MEIKIN: variants seen among roughly 807,000 people sequenced by gnomAD.
The protein encoded by MEIKIN is meiosis-specific kinetochore protein.
intron 9 of MEIKIN, among the ~76,000 whole-genome samples, chr5:131,859,248 G>A (rs1384629892): frequency 2.6e-5 from 4 of 152,162 alleles, no homozygotes; most frequent in Non-Finnish European, 5.9e-5. Flanking sequence ...TCAGGTGTAA[G>A]GAAGGAGTCC....
In MEIKIN at chr5:131,925,957, A is replaced by G. The variant is rs572464304; in HGVS notation, c.479-4016T>C. On this transcript the variant is annotated intron_variant, in intron 5 of 12. Coordinates refer to ENST00000442687, the MANE Select transcript of MEIKIN (RefSeq NM_001303622.2). ...TGCTGGGGTACAGGTGTGAGCCACC[A>G]CACCCAGCCTTGTGGTGTCTTTAGA... 2.6e-5 allele frequency among the ~76,000 whole-genome samples: 4 copies of G among 152,238 alleles called. No individual in the cohort carries two copies. In the East Asian group the frequency reaches 5.8e-4, roughly 22 times the overall value.
At chr5:131,884,401 C>G (rs1580889023) in intron 8 of MEIKIN, among the ~76,000 whole-genome samples, 2 of 151,868 alleles carry the variant, frequency 1.3e-5, no homozygotes, top group South Asian at 4.2e-4. Flanking sequence ...GGCTCTGGCT[C>G]CCAGACAACG....
intron 5 of MEIKIN, among the ~76,000 whole-genome samples, chr5:131,930,380 G>A (rs975628240): frequency 2.6e-5 from 4 of 152,016 alleles, no homozygotes; most frequent in Admixed American, 2.6e-4. Context: ...ATAGATTCTG[G>A]ATATTAGATC....
chr5:131,898,254 T>C (rs1430880374), intron 8 of MEIKIN, among the ~76,000 whole-genome samples: 5 of 152,226 alleles, frequency 3.3e-5, no homozygotes, highest in Non-Finnish European at 7.3e-5. Flanking sequence ...CAGCAAATAT[T>C]GCAGAACAAC....
rs530058071 is a variant in MEIKIN, at chr5:131,943,247, AC to A, written c.289-553del. ...CATTCAAAGAAATGAAAAGTAAAAA[AC>A]ATGCTACTTTTCATCTATCTATCTA... On this transcript the variant is annotated intron_variant, in intron 3 of 12. Transcript: ENST00000442687. Among the ~76,000 whole-genome samples the A allele has an allele frequency of 3.1e-4, 47 of 152,312 alleles. 2 individuals are homozygous for A. The South Asian group carries it at 9.3e-3, about 30-fold the overall frequency.
intron 8 of MEIKIN, among the ~76,000 whole-genome samples, chr5:131,899,894 A>G (rs968631803): frequency 6.6e-5 from 10 of 152,378 alleles, no homozygotes; most frequent in African/African-American, 2.4e-4. Flanking sequence ...CTCCACTTTC[A>G]GCACTGGACA....
At chr5:131,934,882 C>T (rs1022293513) in intron 4 of MEIKIN, among the ~76,000 whole-genome samples, 1 of 151,262 alleles carries the variant, frequency 6.6e-6, no homozygotes, top group African/African-American at 2.4e-5. Context: ...ATGGTGAAAC[C>T]CCATCTCTAC....
At chr5:131,835,617 G>A (rs956487433) in intron 11 of MEIKIN, among the ~76,000 whole-genome samples, 4 of 151,700 alleles carry the variant, frequency 2.6e-5, no homozygotes, top group Non-Finnish European at 5.9e-5. Flanking sequence ...TTTTTGAGAC[G>A]GAGTCTCGCT....
intron 4 of MEIKIN, among the ~76,000 whole-genome samples, chr5:131,940,720 A>G (rs1751854384): frequency 6.6e-6 from 1 of 151,972 alleles, no homozygotes; most frequent in Non-Finnish European, 1.5e-5. Flanking sequence ...GATGTCCTGT[A>G]TTTTTTAGGT....
intron 8 of MEIKIN, among the ~76,000 whole-genome samples, chr5:131,886,773 A>C (rs1227455412): frequency 6.6e-6 from 1 of 152,162 alleles, no homozygotes; most frequent in African/African-American, 2.4e-5. Context: ...ATAACAGTGT[A>C]ATTGTGGTGT....
chr5:131,881,595 T>A (rs1161626545), intron 8 of MEIKIN, among the ~76,000 whole-genome samples: 1 of 152,204 alleles, frequency 6.6e-6, no homozygotes, highest in Non-Finnish European at 1.5e-5. Flanking sequence ...TCCAGACTCC[T>A]GCATCATAAA....
At chr5:131,905,739 C>T (rs1751233292) in intron 8 of MEIKIN, among the ~76,000 whole-genome samples, 1 of 152,024 alleles carries the variant, frequency 6.6e-6, no homozygotes, top group Non-Finnish European at 1.5e-5. Flanking sequence ...CAAACATAAC[C>T]ACCAGATCTT....
chr5:131,925,413 G>A (rs1751570819), intron 5 of MEIKIN, among the ~76,000 whole-genome samples: 1 of 152,092 alleles, frequency 6.6e-6, no homozygotes, highest in African/African-American at 2.4e-5. Context: ...TCATAAACAT[G>A]GGATGTGCAT....
chr5:131,923,647 T>A (rs1419284207), intron 5 of MEIKIN, among the ~76,000 whole-genome samples: 1 of 151,908 alleles, frequency 6.6e-6, no homozygotes, highest in Non-Finnish European at 1.5e-5. Context: ...CTCTTCTTCA[T>A]AGCATCCTAT....
chr5:131,883,197 C>T (rs1750726705), intron 8 of MEIKIN, among the ~76,000 whole-genome samples: 1 of 152,056 alleles, frequency 6.6e-6, no homozygotes, highest in African/African-American at 2.4e-5. Flanking sequence ...AATTGAGATG[C>T]CTCTAAAATA....
At position 131,846,859 on chromosome 5, in the gene MEIKIN, T is replaced by C. The variant is rs548952060; in HGVS notation, c.975+4405A>G. Among the ~76,000 whole-genome samples the C allele has an allele frequency of 4.4e-5, 6 of 135,956 alleles. No homozygotes were observed. The South Asian group carries it at 1.2e-3, about 28-fold the overall frequency. The allele number at this position is 135,956 out of a possible 152,430, so 89.2% of individuals were successfully genotyped here. A position where few individuals can be genotyped will look rare whatever the true frequency, so the allele number is the denominator to read the frequency against. Reference sequence around the variant, plus strand: ...TTTATGTTTTAAGGCACATGATGTATAAAAATGTTAACATCATCATCTGAA... The same window carrying C: ...TTTATGTTTTAAGGCACATGATGTACAAAAATGTTAACATCATCATCTGAA... On this transcript the variant is annotated intron_variant, in intron 11 of 12. Transcript: ENST00000442687.
At chr5:131,906,938 C>T (rs1751252709) in intron 8 of MEIKIN, among the ~76,000 whole-genome samples, 1 of 152,124 alleles carries the variant, frequency 6.6e-6, no homozygotes, top group South Asian at 2.1e-4. Context: ...AAGAAATAAT[C>T]TGCACACCAA....
At chr5:131,844,718 G>T (rs1356005337) in intron 11 of MEIKIN, among the ~76,000 whole-genome samples, 1 of 152,126 alleles carries the variant, frequency 6.6e-6, no homozygotes, top group African/African-American at 2.4e-5. Flanking sequence ...ACACAATATT[G>T]GGAACAGTAC....
At chr5:131,867,763 T>C (rs1360366884) in intron 9 of MEIKIN, among the ~76,000 whole-genome samples, 1 of 152,248 alleles carries the variant, frequency 6.6e-6, no homozygotes, top group Non-Finnish European at 1.5e-5. Flanking sequence ...AGTTTATTTA[T>C]GCATTCACCT....
Sources: allele counts gnomAD v4.1 joint callset (sites outside exome capture counted in the v4.1 genomes callset), GRCh38; gene constraint gnomAD v4.1.1; transcripts MANE v1.5; gene names NCBI Gene and HGNC (gene_info 2026-07-23, HGNC 2026-07-21).